Variants in CERKL observed in about 807,000 individuals in gnomAD.
CERKL encodes the protein ceramide kinase-like protein.
In CERKL, 61 loss-of-function variants were observed where a neutral mutation model predicts 63.4. The ratio of observed to expected loss-of-function variants is 0.96; its 90% confidence interval spans 0.78 to 1.19. The LOEUF (loss-of-function observed/expected upper bound fraction) is 1.19, where lower values mean the gene tolerates loss of function less well. CERKL is among the 50% of genes most tolerant of loss of function. The pLI, the probability that CERKL is intolerant of heterozygous loss-of-function variation, is 0.00. For missense variants in CERKL, 675 were observed against 655.5 expected, an observed-to-expected ratio of 1.03 and a Z score of -0.33; for synonymous variants, 250 against 230.5, an observed-to-expected ratio of 1.08 and a Z score of -0.77.
chr2:181,556,586 T>C (rs1421799760), intron 5 of CERKL, among the ~76,000 whole-genome samples: 2 of 152,238 alleles, frequency 1.3e-5, no homozygotes, highest in East Asian at 3.8e-4. Flanking sequence ...TCATTTTTTA[T>C]GGCTGCATAG....
At chr2:181,649,888 AAAAC>A (rs758987957) in intron 1 of CERKL, 1 of 152,572 alleles carries the variant, frequency 6.6e-6, no homozygotes, top group Non-Finnish European at 1.5e-5. Flanking sequence ...CATACAAAAC[AAAAC>A]AAACAAAAAC....
chr2:181,547,484 A>C (rs977329952), intron 10 of CERKL, 134 bp downstream of exon 10: 1 of 721,982 alleles, frequency 1.4e-6, no homozygotes, highest in Non-Finnish European at 2.5e-6. Flanking sequence ...GTGATGACAA[A>C]TCCCTTAGAA....
At chr2:181,624,546 G>A (rs1048844478) in intron 1 of CERKL, among the ~76,000 whole-genome samples, 11 of 152,054 alleles carry the variant, frequency 7.2e-5, no homozygotes, top group Admixed American at 6.6e-4. Flanking sequence ...AAACAAAAAC[G>A]AAATTGCTAC....
At chr2:181,540,525 G>A (rs1480251792) in intron 11 of CERKL, among the ~76,000 whole-genome samples, 1 of 152,156 alleles carries the variant, frequency 6.6e-6, no homozygotes, top group East Asian at 1.9e-4. Context: ...TATGACTGAT[G>A]TCCTTATGAG....
intron 2 of CERKL, among the ~76,000 whole-genome samples, chr2:181,596,604 T>C (rs1685219204): frequency 4.6e-5 from 7 of 152,220 alleles, no homozygotes; most frequent in Admixed American, 4.6e-4. Context: ...TTTACATGAA[T>C]CAGGAATGGG....
chr2:181,537,929 T>C lies in CERKL; in HGVS notation c.*255A>G. 1 of 597,774 alleles carries C rather than the reference T, an allele frequency of 1.7e-6. No individual in the cohort carries two copies. Among genetic ancestry groups the C allele is most frequent in the Non-Finnish European group, 3.2e-6 (1 of 317,446 alleles). The allele number at this position is 597,774 out of a possible 1,614,324, so 37.0% of individuals were successfully genotyped here. A position where few individuals can be genotyped will look rare whatever the true frequency, so the allele number is the denominator to read the frequency against. On this transcript the variant is annotated 3_prime_UTR_variant, in exon 13 of 13. Coordinates refer to ENST00000410087, the MANE Select transcript of CERKL (RefSeq NM_201548.5). Reference sequence around the variant, plus strand: ...CCCCCTGTCAGATCAGCAGCAGCATTAGATTCTCATAGAAGTGCGAACCAT... The same window carrying C: ...CCCCCTGTCAGATCAGCAGCAGCATCAGATTCTCATAGAAGTGCGAACCAT...
chr2:181,600,800 T>C (rs562537232), intron 2 of CERKL, among the ~76,000 whole-genome samples: 1 of 152,300 alleles, frequency 6.6e-6, no homozygotes, highest in Non-Finnish European at 1.5e-5. Flanking sequence ...CAGATCACCA[T>C]GGCAGAAAAC....
intron 2 of CERKL, among the ~76,000 whole-genome samples, chr2:181,599,876 A>T (rs1685384901): frequency 6.6e-6 from 1 of 152,204 alleles, no homozygotes; most frequent in East Asian, 1.9e-4. Flanking sequence ...ATACAAGATG[A>T]CCATCCCCAA....
At chr2:181,572,297 AT>A (rs1415206109) in intron 3 of CERKL, among the ~76,000 whole-genome samples, 22 of 152,100 alleles carry the variant, frequency 1.4e-4, no homozygotes, top group African/African-American at 5.3e-4. Context: ...GGTTTTAAGC[AT>A]TTTTTTGAAT....
Position 181,537,075 on chromosome 2 carries a change from C to T in CERKL, c.*1109G>A, listed in dbSNP as rs1042704997. The T allele has an allele frequency of 2.2e-6, 1 of 446,822 alleles. No homozygotes were observed. Among genetic ancestry groups the T allele is most frequent in the Admixed American group, 2.4e-5 (1 of 41,738 alleles). The allele number at this position is 446,822 out of a possible 1,614,324, so 27.7% of individuals were successfully genotyped here. ...AAATGTAAGCACAAAACCTCCTGAA[C>T]CCAGAGTGTGTATACACAGGAATAA... On this transcript the variant is annotated 3_prime_UTR_variant, in exon 13 of 13. Transcript: ENST00000410087.
At chr2:181,637,912 CAA>C (rs781381927) in intron 1 of CERKL, among the ~76,000 whole-genome samples, 1 of 144,026 alleles carries the variant, frequency 6.9e-6, no homozygotes, top group Non-Finnish European at 1.5e-5. Context: ...ACTCTATGAA[CAA>C]AAAAAAAAAT....
intron 10 of CERKL, among the ~76,000 whole-genome samples, chr2:181,546,079 G>A (rs542326217): frequency 7.2e-5 from 11 of 152,128 alleles, no homozygotes; most frequent in African/African-American, 2.2e-4. Flanking sequence ...AAAAATCTCC[G>A]GTCAAATGAG....
At chr2:181,650,181 A>G (rs1233759778) in intron 1 of CERKL, 2 of 151,392 alleles carry the variant, frequency 1.3e-5, no homozygotes, top group Admixed American at 1.3e-4. Context: ...AAGGAGAAAG[A>G]AAAGAAATAA....
At position 181,549,667 on chromosome 2, in the gene CERKL, G is replaced by C; in HGVS notation, c.862C>G (p.His288Asp). ...VLAHSLHGVPHVITATLHIIM... is the reference protein window; with the variant it reads ...VLAHSLHGVPDVITATLHIIM... Reference sequence around the variant, plus strand: ...ATGTGCAATGTTGCAGTTATCACATGAGGAACTCCATGAAGAGAATGTGCC... The same window carrying C: ...ATGTGCAATGTTGCAGTTATCACATCAGGAACTCCATGAAGAGAATGTGCC... Residue 288 changes from histidine (H) to aspartate (D), a missense_variant, in exon 6 of 13, where the codon CAT (histidine) becomes GAT (aspartate). Coordinates refer to ENST00000410087, the MANE Select transcript of CERKL (RefSeq NM_201548.5). 1 of 1,612,418 alleles carries C rather than the reference G, an allele frequency of 6.2e-7. No homozygotes were observed. Among genetic ancestry groups the C allele is most frequent in the East Asian group, 2.2e-5 (1 of 44,740 alleles).
At chr2:181,648,519 A>G (rs1687764267) in intron 1 of CERKL, among the ~76,000 whole-genome samples, 1 of 152,202 alleles carries the variant, frequency 6.6e-6, no homozygotes, top group Non-Finnish European at 1.5e-5. Context: ...TCACTCCTAC[A>G]CCAGCCTTAC....
intron 1 of CERKL, among the ~76,000 whole-genome samples, chr2:181,646,793 G>A (rs1413631889): frequency 6.6e-6 from 1 of 152,170 alleles, no homozygotes; most frequent in East Asian, 1.9e-4. Flanking sequence ...GCAATTAGAA[G>A]ACTTCTGCTA....
intron 3 of CERKL, among the ~76,000 whole-genome samples, chr2:181,573,448 T>C (rs1216224652): frequency 6.6e-6 from 1 of 152,148 alleles, no homozygotes; most frequent in Non-Finnish European, 1.5e-5. Flanking sequence ...AATTAACGTG[T>C]AAGTAGCAAA....
chr2:181,629,633 C>CAA (rs11290035), intron 1 of CERKL, among the ~76,000 whole-genome samples: 1 of 142,192 alleles, frequency 7.0e-6, no homozygotes. Flanking sequence ...TAGTCATAGG[C>CAA]AAAAAAAAAA....
Position 181,594,714 on chromosome 2 carries a change from A to G in CERKL, c.481+9123T>C, listed in dbSNP as rs147476054. Among the ~76,000 whole-genome samples, 16 of 152,356 alleles carry G rather than the reference A, an allele frequency of 1.1e-4. No individual in the cohort carries two copies. In the East Asian group the frequency reaches 2.3e-3, roughly 22 times the overall value. ...ACCTAATGTATTTTTTTCAAAAAAT[A>G]TAGTAAAAAACGGTGCTTTTGCTTT... On this transcript the variant is annotated intron_variant, in intron 2 of 12. Transcript: ENST00000410087.
Sources: allele counts gnomAD v4.1 joint callset (sites outside exome capture counted in the v4.1 genomes callset), GRCh38; gene constraint gnomAD v4.1.1; transcripts MANE v1.5; gene names NCBI Gene and HGNC (gene_info 2026-07-23, HGNC 2026-07-21).